The following ZNF652 variants were observed in gnomAD, a reference collection of about 807,000 sequenced individuals.
The protein encoded by ZNF652 is zinc finger protein 652.
ZNF652 carries 16 observed loss-of-function variants against 45.2 expected under a neutral mutation model. That is an observed-to-expected ratio of 0.35 (90% CI 0.24 to 0.54). ZNF652 has a LOEUF of 0.54. Ranked by LOEUF, ZNF652 falls within the 20% of genes least tolerant of loss-of-function variation. The pLI, the probability that ZNF652 is intolerant of heterozygous loss-of-function variation, is 0.91. For missense variants in ZNF652, 614 were observed against 765.6 expected (o/e 0.80, Z 2.34); for synonymous variants, 250 against 260.6 (o/e 0.96, Z 0.39).
At chr17:49,312,072 A>C (rs747697630) in intron 3 of ZNF652, 30 bp from the exon 4 acceptor site, 1 of 1,548,080 alleles carries the variant, frequency 6.5e-7, no homozygotes, top group Non-Finnish European at 8.9e-7. Flanking sequence ...TAGTGTCAAA[A>C]CAAAATCCAC....
At chr17:49,331,472 GAT>G (rs1289989488) in intron 1 of ZNF652, among the ~76,000 whole-genome samples, 1 of 151,992 alleles carries the variant, frequency 6.6e-6, no homozygotes, top group Admixed American at 6.6e-5. Flanking sequence ...TTAGAACTGA[GAT>G]ATATTTATCA....
chr17:49,324,178 T>G (rs2143827552), intron 1 of ZNF652, among the ~76,000 whole-genome samples: 1 of 152,360 alleles, frequency 6.6e-6, no homozygotes, highest in African/African-American at 2.4e-5. Context: ...TTTTACGTTA[T>G]GGAGATAGCT....
chr17:49,336,746 C>A (rs1243418865), intron 1 of ZNF652, among the ~76,000 whole-genome samples: 2 of 151,756 alleles, frequency 1.3e-5, no homozygotes, highest in African/African-American at 4.8e-5. Flanking sequence ...CCTGCTTCAG[C>A]CTCCTGAGTT....
At chr17:49,322,436 T>TGGTGTCC (rs2069905289) in intron 1 of ZNF652, 1 of 152,214 alleles carries the variant, frequency 6.6e-6, no homozygotes, top group Admixed American at 6.5e-5. Flanking sequence ...AACAAAACTC[T>TGGTGTCC]TTCCACTTTA....
chr17:49,356,458 C>CT (rs1491255783), intron 1 of ZNF652, among the ~76,000 whole-genome samples: 2 of 99,908 alleles, frequency 2.0e-5, no homozygotes, highest in African/African-American at 6.9e-5. Flanking sequence ...AAAATCAAAA[C>CT]CAAAAAAAAA....
At chr17:49,340,232 T>G (rs970182289) in intron 1 of ZNF652, among the ~76,000 whole-genome samples, 1 of 152,092 alleles carries the variant, frequency 6.6e-6, no homozygotes, top group African/African-American at 2.4e-5. Flanking sequence ...TTGGCCGACA[T>G]GGCAAAGCCC....
rs1406560744 is a variant in ZNF652, at chr17:49,360,567, C to T, written c.-259+1342G>A. Among the ~76,000 whole-genome samples the T allele has an allele frequency of 2.0e-5, 3 of 152,294 alleles. No homozygotes were observed. In the South Asian group the frequency reaches 6.2e-4, roughly 32 times the overall value. On this transcript the variant is annotated intron_variant, in intron 1 of 5. Transcript: ENST00000430262. ...TAAACAACCAAGCTGCCTGCCACCACTGACAATCACAGTGTCAAGCCCCAC... is the reference window on the plus strand; with the variant it reads ...TAAACAACCAAGCTGCCTGCCACCATTGACAATCACAGTGTCAAGCCCCAC...
At position 49,311,435 on chromosome 17, in the gene ZNF652, A is replaced by G; in HGVS notation, c.1186T>C (p.Tyr396His). The G allele has an allele frequency of 6.2e-7, 1 of 1,614,098 alleles. No individual in the cohort carries two copies. Reference protein sequence around the residue: ...RCENCDERFQYKYQLRSHMSI... With the variant: ...RCENCDERFQHKYQLRSHMSI... ...ATGTGGGAGCGTAGCTGGTACTTGT[A>G]CTGAAACCTTTCGTCACAGTTCTGC... Residue 396 changes from tyrosine to histidine, a missense_variant, in exon 5 of 6, where the codon TAC (tyrosine) becomes CAC (histidine). Tyr to His is a moderately conservative substitution (Grantham distance 83). Transcript: ENST00000430262.
chr17:49,328,925 T>C (rs141660236), intron 1 of ZNF652, among the ~76,000 whole-genome samples: 1 of 152,348 alleles, frequency 6.6e-6, no homozygotes, highest in Non-Finnish European at 1.5e-5. Flanking sequence ...TAACTCCTAG[T>C]CCAAGTTTAC....
At chr17:49,299,059 TC>T in intron 5 of ZNF652, 135 bp from the exon 6 acceptor site, 1 of 966,024 alleles carries the variant, frequency 1.0e-6, no homozygotes, top group Non-Finnish European at 1.5e-6. Flanking sequence ...CAAGTGATCC[TC>T]CCATCTTGGC....
chr17:49,311,384 A>G lies in ZNF652; in HGVS notation c.1237T>C (p.Phe413Leu). The G allele has an allele frequency of 4.3e-6, 7 of 1,614,144 alleles. No homozygotes were observed. Among genetic ancestry groups the G allele is most frequent in the Non-Finnish European group, 5.9e-6 (7 of 1,180,014 alleles). The change falls in exon 5 of 6, where the codon TTC (phenylalanine) becomes CTC (leucine). Residue 413 changes from phenylalanine to leucine, a missense_variant. Transcript: ENST00000430262. ...HMSIHIGHKQ[F>L]MCQWCGKDFN... ...TCCTTGCCACACCACTGGCACATGAACTGTTTGTGCCCAATATGAATGCTC... is the reference window on the plus strand; with the variant it reads ...TCCTTGCCACACCACTGGCACATGAGCTGTTTGTGCCCAATATGAATGCTC...
chr17:49,345,414 C>G (rs1449805710), intron 1 of ZNF652, among the ~76,000 whole-genome samples: 2 of 151,302 alleles, frequency 1.3e-5, no homozygotes, highest in African/African-American at 4.8e-5. Flanking sequence ...TGTTGGCCAG[C>G]TAGTCGAGAA....
downstream of ZNF652, among the ~76,000 whole-genome samples, chr17:49,288,158 ATAT>A (rs2069361464): frequency 1.3e-5 from 2 of 151,880 alleles, no homozygotes; most frequent in South Asian, 4.2e-4. Context: ...AAATAAACTC[ATAT>A]ATATATGTAT....
intron 1 of ZNF652, among the ~76,000 whole-genome samples, chr17:49,332,807 T>C (rs1049654794): frequency 1.3e-5 from 2 of 152,154 alleles, no homozygotes; most frequent in African/African-American, 4.8e-5. Flanking sequence ...TAGACAAAGT[T>C]TGTAAATTAA....
rs11381958 is a variant in ZNF652 at position 49,345,840 on chromosome 17, C to CAA, written c.-259+16067_-259+16068dup. Among the ~76,000 whole-genome samples the CAA allele has an allele frequency of 3.5e-3, 409 of 115,664 alleles. 2 individuals carry two copies. Among genetic ancestry groups the CAA allele is most frequent in the Non-Finnish European group, 5.0e-3 (273 of 55,094 alleles). The allele number at this position is 115,664 out of a possible 152,430, so 75.9% of individuals were successfully genotyped here. ...TGGGCGAAAGAGCGAGACTCCATCT[C>CAA]AAAAAAAAAAAAAAAGAAATGAAGT... On this transcript the variant is annotated intron_variant, in intron 1 of 5. Coordinates refer to ENST00000430262, the MANE Select transcript of ZNF652 (RefSeq NM_001145365.3).
rs1358795705 is a variant in ZNF652 at position 49,293,889 on chromosome 17, T to C, written c.*4524A>G. Among the ~76,000 whole-genome samples the C allele has an allele frequency of 6.6e-6, 1 of 152,156 alleles. No individual in the cohort carries two copies. Among genetic ancestry groups the C allele is most frequent in the Admixed American group, 6.5e-5 (1 of 15,280 alleles). ...TAGAACAGCATTGAAATATTTATCA[T>C]GTGGACCAGCAATGCAATAAAAGTT... On this transcript the variant is annotated 3_prime_UTR_variant, in exon 6 of 6. Transcript: ENST00000430262.
At chr17:49,306,195 A>T (rs538431829) in intron 5 of ZNF652, among the ~76,000 whole-genome samples, 1 of 152,384 alleles carries the variant, frequency 6.6e-6, no homozygotes, top group African/African-American at 2.4e-5. Context: ...AAAGGCAGAT[A>T]GACAAACCAG....
chr17:49,302,997 T>C (rs1023082083), intron 5 of ZNF652, among the ~76,000 whole-genome samples: 2 of 151,290 alleles, frequency 1.3e-5, no homozygotes, highest in African/African-American at 4.9e-5. Context: ...GCATGCATGG[T>C]ATTATCTACC....
chr17:49,303,873 T>A lies in ZNF652; in HGVS notation c.1310-4949A>T, dbSNP rs1291548282. Among the ~76,000 whole-genome samples the A allele has an allele frequency of 2.0e-5, 3 of 151,810 alleles. No individual in the cohort carries two copies. The East Asian group carries it at 5.8e-4, about 29-fold the overall frequency. On this transcript the variant is annotated intron_variant, in intron 5 of 5. Coordinates refer to ENST00000430262, the MANE Select transcript of ZNF652 (RefSeq NM_001145365.3). ...CTTCCTGGACCTCTCTAATCATCTC[T>A]CATTTGCAGTCTTCTTTTTTTTTGT...
Sources: gnomAD v4.1 joint callset for allele counts (sites outside exome capture counted in the v4.1 genomes callset) on GRCh38, gnomAD v4.1.1 for gene constraint, MANE v1.5 for transcripts, NCBI Gene and HGNC (gene_info 2026-07-23, HGNC 2026-07-21) for gene names.